Variants in DPY19L3 observed in about 807,000 individuals in gnomAD.
DPY19L3 encodes dpy-19 like C-mannosyltransferase 3.
In DPY19L3, 51 loss-of-function variants were observed where a neutral mutation model predicts 92.3. That is an observed-to-expected ratio of 0.55 (90% confidence interval 0.44 to 0.70). The LOEUF is 0.70. DPY19L3 is among the 30% of genes least tolerant of loss of function. The pLI, the probability that DPY19L3 is intolerant of heterozygous loss-of-function variation, is 0.00. For missense variants in DPY19L3, 706 were observed against 855.9 expected (o/e 0.82, Z 2.18); for synonymous variants, 309 against 315.2 (o/e 0.98, Z 0.21).
intron 3 of DPY19L3, among the ~76,000 whole-genome samples, chr19:32,424,883 CAT>C (rs1443459746): frequency 2.6e-5 from 4 of 152,152 alleles, no homozygotes; most frequent in African/African-American, 9.7e-5. Context: ...TAAGGATAGA[CAT>C]ATAAATCAAT....
chr19:32,413,996 T>C (rs553218708), intron 3 of DPY19L3, among the ~76,000 whole-genome samples: 1 of 152,074 alleles, frequency 6.6e-6, no homozygotes, highest in Non-Finnish European at 1.5e-5. Context: ...AATATTGGGA[T>C]TATAGGTGTG....
intron 9 of DPY19L3, among the ~76,000 whole-genome samples, chr19:32,453,945 T>C (rs1385243606): frequency 6.6e-6 from 1 of 152,164 alleles, no homozygotes; most frequent in African/African-American, 2.4e-5. Context: ...GTTTCACATA[T>C]GCTAGAAACT....
At chr19:32,408,190 G>T (rs746865482) in intron 1 of DPY19L3, 27 bp from the exon 2 acceptor site, 49 of 1,203,472 alleles carry the variant, frequency 4.1e-5, no homozygotes, top group Non-Finnish European at 5.4e-5. Context: ...AGGCACTGAC[G>T]TTGATGGCCT....
chr19:32,467,735 ATTCTACCT>A (rs1424018926), intron 15 of DPY19L3: 2 of 986,538 alleles, frequency 2.0e-6, no homozygotes, highest in Admixed American at 6.1e-5. Context: ...TGTGAAGTGA[ATTCTACCT>A]TTGACCTTAG....
chr19:32,459,627 A>G (rs1969975651), intron 12 of DPY19L3, among the ~76,000 whole-genome samples: 2 of 152,344 alleles, frequency 1.3e-5, no homozygotes, highest in South Asian at 4.1e-4. Context: ...CAGACATAGC[A>G]AGTGTCAACA....
In DPY19L3 at chr19:32,458,246, A is replaced by G; in HGVS notation, c.1163+73A>G. 4.4e-6 allele frequency: 7 copies of G among 1,579,652 alleles called. No individual in the cohort carries two copies. In the South Asian group the frequency reaches 5.8e-5, roughly 13 times the overall value. ...CAGGGACTTTAAAACTTAAGTTGTC[A>G]TTGTGCCTTCAACTATTAATTGCAG... On this transcript the variant is annotated intron_variant, in intron 11 of 18. Coordinates refer to ENST00000392250, the MANE Select transcript of DPY19L3 (RefSeq NM_001172774.2).
chr19:32,468,498 G>C, intron 15 of DPY19L3: 3 of 1,177,718 alleles, frequency 2.5e-6, no homozygotes, highest in Non-Finnish European at 3.2e-6. Flanking sequence ...TAAAGTTGGC[G>C]ATACCTCACA....
At chr19:32,421,000 T>C (rs1172826849) in intron 3 of DPY19L3, among the ~76,000 whole-genome samples, 2 of 152,248 alleles carry the variant, frequency 1.3e-5, no homozygotes, top group African/African-American at 4.8e-5. Flanking sequence ...ATCTACCTTA[T>C]CTGCTGTTAC....
At chr19:32,465,814 GA>G (rs1483042085) in intron 15 of DPY19L3, among the ~76,000 whole-genome samples, 1 of 152,104 alleles carries the variant, frequency 6.6e-6, no homozygotes, top group African/African-American at 2.4e-5. Flanking sequence ...CTAACTCCTA[GA>G]TATTAAAAAA....
chr19:32,485,534 T>C lies in DPY19L3; in HGVS notation c.*3294T>C, dbSNP rs1014641354. ...TAAAAATGTCTATTCTGATTCCATA[T>C]TGATTTTGTCTAAGATGTAAAAATT... On this transcript the variant is annotated 3_prime_UTR_variant, in exon 19 of 19. Transcript: ENST00000392250. The C allele has an allele frequency of 3.9e-5, 6 of 152,250 alleles. No individual in the cohort carries two copies. Among genetic ancestry groups the C allele is most frequent in the African/African-American group, 9.6e-5 (4 of 41,472 alleles). 9.4% of individuals were successfully genotyped at this position (152,250 alleles called of 1,614,324 possible).
intron 8 of DPY19L3, among the ~76,000 whole-genome samples, chr19:32,448,390 C>T (rs1969587509): frequency 6.6e-6 from 1 of 152,170 alleles, no homozygotes; most frequent in Admixed American, 6.5e-5. Flanking sequence ...AACACAGGGG[C>T]TACTGGTGCC....
chr19:32,458,046 G>A (rs1969921344), intron 10 of DPY19L3, 54 bp from the exon 11 acceptor site: 1 of 1,381,866 alleles, frequency 7.2e-7, no homozygotes. Context: ...GAAGTTATCA[G>A]GAAACCGTGC....
At chr19:32,424,864 A>G (rs1819616397) in intron 3 of DPY19L3, among the ~76,000 whole-genome samples, 1 of 152,226 alleles carries the variant, frequency 6.6e-6, no homozygotes, top group African/African-American at 2.4e-5. Flanking sequence ...CAAGACTCTG[A>G]TGCTGGCATA....
At position 32,418,579 on chromosome 19, in the gene DPY19L3, C is replaced by A. The variant is rs923596490; in HGVS notation, c.237+7207C>A. ...AATTATAAATATCACTGAACAAAGA[C>A]CTTATTTGGCCAAAGAAAAGCTCAT... On this transcript the variant is annotated intron_variant, in intron 3 of 18. Transcript: ENST00000392250. Among the ~76,000 whole-genome samples, 6 of 152,136 alleles carry A rather than the reference C, an allele frequency of 3.9e-5. No homozygotes were observed. In the East Asian group the frequency reaches 1.2e-3, roughly 29 times the overall value.
rs56116714 is a variant in DPY19L3, at chr19:32,447,720, CATAGATAGATAGATAGATAG to C, written c.856-5386_856-5367del. ...AATGAGAGCGAAACTCCGTCTCATT[CATAGATAGATAGATAGATAG>C]ATAGATAGATAGATAGATAGATAGA... On this transcript the variant is annotated intron_variant, in intron 8 of 18. Coordinates refer to ENST00000392250, the MANE Select transcript of DPY19L3 (RefSeq NM_001172774.2). Among the ~76,000 whole-genome samples the C allele has an allele frequency of 8.2e-3, 1,078 of 131,722 alleles. 4 individuals carry two copies. Among genetic ancestry groups the C allele is most frequent in the Middle Eastern group, 0.022 (6 of 272 alleles). 86.4% of individuals were successfully genotyped at this position (131,722 alleles called of 152,430 possible). A position where few individuals can be genotyped will look rare whatever the true frequency, so the allele number is the denominator to read the frequency against.
At chr19:32,474,632 C>T (rs1239730400) in intron 16 of DPY19L3, among the ~76,000 whole-genome samples, 1 of 152,126 alleles carries the variant, frequency 6.6e-6, no homozygotes, top group Non-Finnish European at 1.5e-5. Context: ...GCTCTGTTGC[C>T]CAGGCTGGAG....
intron 8 of DPY19L3, among the ~76,000 whole-genome samples, chr19:32,442,925 C>T (rs1037577753): frequency 6.6e-6 from 1 of 152,188 alleles, no homozygotes; most frequent in Non-Finnish European, 1.5e-5. Flanking sequence ...CCAGAACTTT[C>T]ACCATCTCCC....
intron 3 of DPY19L3, among the ~76,000 whole-genome samples, chr19:32,414,427 A>AAG (rs397726349): frequency 2.0e-5 from 3 of 148,650 alleles, no homozygotes; most frequent in African/African-American, 7.4e-5. Flanking sequence ...AAAAAAAAAA[A>AAG]CAAACAAACA....
At chr19:32,442,671 G>C (rs1304099905) in intron 8 of DPY19L3, among the ~76,000 whole-genome samples, 1 of 152,126 alleles carries the variant, frequency 6.6e-6, no homozygotes, top group East Asian at 1.9e-4. Flanking sequence ...AATAACAATG[G>C]ACTCAAACAA....
Sources: gnomAD v4.1 joint callset for allele counts (sites outside exome capture counted in the v4.1 genomes callset) on GRCh38, gnomAD v4.1.1 for gene constraint, MANE v1.5 for transcripts, NCBI Gene and HGNC (gene_info 2026-07-23, HGNC 2026-07-21) for gene names.